Variants in SPIRE1 observed in about 807,000 individuals in gnomAD.
SPIRE1 encodes spire type actin nucleation factor 1, also known as protein spire homolog 1.
Under a neutral mutation model 94.1 loss-of-function variants are expected in SPIRE1, and 40 were observed. The ratio of observed to expected loss-of-function variants is 0.43; its 90% CI spans 0.33 to 0.55. The LOEUF (loss-of-function observed/expected upper bound fraction) is 0.55, where lower values mean the gene tolerates loss of function less well. SPIRE1 is among the 20% of genes least tolerant of loss of function. SPIRE1 has a pLI of 0.06. For missense variants in SPIRE1, 838 were observed against 975.2 expected (o/e 0.86, Z 1.87); for synonymous variants, 376 against 371.7 (o/e 1.01, Z -0.13).
intron 1 of SPIRE1, among the ~76,000 whole-genome samples, chr18:12,637,427 A>C (rs2037964623): frequency 6.6e-6 from 1 of 152,048 alleles, no homozygotes. Flanking sequence ...GATAAAGAGA[A>C]TTACAAAGAA....
intron 6 of SPIRE1, among the ~76,000 whole-genome samples, chr18:12,505,246 G>A (rs917563429): frequency 1.3e-5 from 2 of 152,112 alleles, no homozygotes; most frequent in Non-Finnish European, 2.9e-5. Flanking sequence ...ATGGTGGCTT[G>A]GAATAGAAGA....
At chr18:12,592,217 G>T (rs2036555506) in intron 2 of SPIRE1, among the ~76,000 whole-genome samples, 1 of 152,050 alleles carries the variant, frequency 6.6e-6, no homozygotes, top group African/African-American at 2.4e-5. Flanking sequence ...AAGAAAAAAA[G>T]AGTTCACCAG....
intron 2 of SPIRE1, among the ~76,000 whole-genome samples, chr18:12,629,177 GA>G (rs1348962146): frequency 6.6e-6 from 1 of 152,154 alleles, no homozygotes; most frequent in African/African-American, 2.4e-5. Context: ...CTGCTGAAGG[GA>G]AAGGGCCTCT....
chr18:12,466,450 T>C (rs1393437055), intron 10 of SPIRE1, among the ~76,000 whole-genome samples: 1 of 152,064 alleles, frequency 6.6e-6, no homozygotes, highest in East Asian at 1.9e-4. Flanking sequence ...CTAATTTTTG[T>C]ATTTTTTTGT....
At chr18:12,600,488 C>T (rs1040368300) in intron 2 of SPIRE1, among the ~76,000 whole-genome samples, 3 of 151,776 alleles carry the variant, frequency 2.0e-5, no homozygotes, top group Admixed American at 6.5e-5. Flanking sequence ...ATATCATGGT[C>T]CTCATCAAAC....
At chr18:12,486,371 A>G (rs554029630) in intron 8 of SPIRE1, among the ~76,000 whole-genome samples, 1 of 152,238 alleles carries the variant, frequency 6.6e-6, no homozygotes, top group Non-Finnish European at 1.5e-5. Flanking sequence ...AACATACAAC[A>G]TCTTTAAAAT....
Position 12,512,481 on chromosome 18 carries a change from G to A in SPIRE1, c.780C>T (p.Asp260=). 6.2e-7 allele frequency: 1 copy of A among 1,612,734 alleles called. No homozygotes were observed. The highest frequency in any genetic ancestry group is 1.1e-5 in the South Asian group (1 of 91,010). Residue 260 remains aspartate, a synonymous_variant, in exon 5 of 17, where the codon GAC becomes GAT. Coordinates refer to ENST00000409402, the MANE Select transcript of SPIRE1 (RefSeq NM_001128626.2). Reference sequence around the variant, plus strand: ...AGTCAGCGTTTTTCAGCTCTTCCAAGTCTGTGCTAGATTCATCGCTCTTTT... The same window carrying A: ...AGTCAGCGTTTTTCAGCTCTTCCAAATCTGTGCTAGATTCATCGCTCTTTT... The part of the protein sequence containing the change: ...EMEKSDESST[D]LEELKNADWA...
chr18:12,450,295 G>A (rs1390596091), intron 16 of SPIRE1, among the ~76,000 whole-genome samples: 1 of 152,050 alleles, frequency 6.6e-6, no homozygotes, highest in Non-Finnish European at 1.5e-5. Context: ...GGAGGTGAAG[G>A]TTGCAGTGAG....
chr18:12,624,529 C>G (rs1327796538), intron 2 of SPIRE1, among the ~76,000 whole-genome samples: 36 of 119,656 alleles, frequency 3.0e-4, no homozygotes, highest in African/African-American at 1.1e-3. Flanking sequence ...GGTGACAGAG[C>G]AAGACACTGA....
chr18:12,461,371 C>T (rs1400468238), intron 12 of SPIRE1, among the ~76,000 whole-genome samples: 1 of 150,928 alleles, frequency 6.6e-6, no homozygotes, highest in Non-Finnish European at 1.5e-5. Context: ...AATGATTAGA[C>T]TTATGAAAAA....
At chr18:12,595,954 GACACT>G (rs1166433913) in intron 2 of SPIRE1, among the ~76,000 whole-genome samples, 1 of 152,220 alleles carries the variant, frequency 6.6e-6, no homozygotes, top group Non-Finnish European at 1.5e-5. Flanking sequence ...GATTGGAAGA[GACACT>G]ACACTAATTA....
intron 2 of SPIRE1, among the ~76,000 whole-genome samples, chr18:12,562,225 C>T (rs1037617125): frequency 2.6e-5 from 4 of 152,166 alleles, no homozygotes; most frequent in African/African-American, 9.7e-5. Flanking sequence ...CTTGTTTATG[C>T]TATGGACCTC....
At chr18:12,597,381 T>C (rs1282415775) in intron 2 of SPIRE1, among the ~76,000 whole-genome samples, 1 of 152,034 alleles carries the variant, frequency 6.6e-6, no homozygotes, top group Non-Finnish European at 1.5e-5. Flanking sequence ...AAGGAAAGCC[T>C]GGTGGGAGAG....
chr18:12,493,510 G>A (rs535407289), intron 7 of SPIRE1, among the ~76,000 whole-genome samples: 4 of 152,186 alleles, frequency 2.6e-5, no homozygotes, highest in East Asian at 1.9e-4. Context: ...GGGTTCAAGC[G>A]ATTCTCGTGC....
intron 2 of SPIRE1, among the ~76,000 whole-genome samples, chr18:12,591,968 CAAAA>C (rs35668057): frequency 0.011 from 764 of 67,440 alleles, 4 homozygotes; most frequent in African/African-American, 0.04. Flanking sequence ...GACTCCATCT[CAAAA>C]AAAAAAAAAA....
chr18:12,533,045 T>G (rs1172537940), intron 4 of SPIRE1, among the ~76,000 whole-genome samples: 1 of 152,108 alleles, frequency 6.6e-6, no homozygotes, highest in Non-Finnish European at 1.5e-5. Context: ...GGGGAACAAG[T>G]GTTGTCAGAA....
intron 2 of SPIRE1, among the ~76,000 whole-genome samples, chr18:12,583,953 C>T (rs1274579463): frequency 6.6e-6 from 1 of 151,406 alleles, no homozygotes; most frequent in Non-Finnish European, 1.5e-5. Context: ...ACAAAAAAAA[C>T]AAAAACAGAA....
rs764332574 is a variant in SPIRE1, at chr18:12,453,175, C to A, written c.1777-37G>T. Reference sequence around the variant, plus strand: ...AAATTTAAGAGGAAAAAAAACATTGCCAACAGCAAATTTCCTAATATCCAT... The same window carrying A: ...AAATTTAAGAGGAAAAAAAACATTGACAACAGCAAATTTCCTAATATCCAT... On this transcript the variant is annotated intron_variant, in intron 13 of 16. Coordinates refer to ENST00000409402, the MANE Select transcript of SPIRE1 (RefSeq NM_001128626.2). The A allele has an allele frequency of 1.2e-5, 18 of 1,452,794 alleles. No individual in the cohort carries two copies. The East Asian group carries it at 3.4e-4, about 28-fold the overall frequency. 90.0% of individuals were successfully genotyped at this position (1,452,794 alleles called of 1,614,324 possible).
At chr18:12,653,763 A>G (rs1408601692) in intron 1 of SPIRE1, among the ~76,000 whole-genome samples, 1 of 152,100 alleles carries the variant, frequency 6.6e-6, no homozygotes. Context: ...CCTGGGCAAC[A>G]TGGGGAAACC....
Sources: allele counts gnomAD v4.1 joint callset (sites outside exome capture counted in the v4.1 genomes callset), GRCh38; gene constraint gnomAD v4.1.1; transcripts MANE v1.5; gene names NCBI Gene and HGNC (gene_info 2026-07-23, HGNC 2026-07-21).